SPATS1: variants seen among roughly 807,000 people sequenced by gnomAD.
SPATS1 encodes spermatogenesis-associated serine-rich protein 1.
SPATS1 carries 23 observed loss-of-function variants against 33.6 expected under a neutral mutation model. The observed-to-expected ratio is 0.68, with a 90% confidence interval of 0.49 to 0.97. The LOEUF (loss-of-function observed/expected upper bound fraction) is 0.97. Among genes scored for constraint, SPATS1 ranks in the 50% least tolerant of loss-of-function variants. The pLI is 0.00. For missense variants in SPATS1, 327 were observed against 361.0 expected (o/e 0.91, Z 0.76); for synonymous variants, 131 against 125.6 (o/e 1.04, Z -0.29).
At chr6:44,342,897 C>A in intron 1 of SPATS1, 129 bp downstream of exon 1, 4 of 1,271,692 alleles carry the variant, frequency 3.1e-6, no homozygotes, top group Admixed American at 2.3e-5. Context: ...GGGCTGGGGG[C>A]GGACTCGCTG....
At chr6:44,352,930 C>A in intron 3 of SPATS1, 57 bp downstream of exon 3, 1 of 1,575,462 alleles carries the variant, frequency 6.3e-7, no homozygotes, top group South Asian at 1.1e-5. Context: ...ACCAAGAAGC[C>A]AATAGTCTGA....
intron 7 of SPATS1, among the ~76,000 whole-genome samples, chr6:44,371,683 T>G (rs1366532804): frequency 6.6e-6 from 1 of 152,096 alleles, no homozygotes; most frequent in Non-Finnish European, 1.5e-5. Flanking sequence ...CGGTGGCTCA[T>G]GCCTGTAATC....
At chr6:44,362,095 C>T (rs935259470) in intron 5 of SPATS1, 103 bp downstream of exon 5, 2 of 1,412,110 alleles carry the variant, frequency 1.4e-6, no homozygotes, top group Non-Finnish European at 2.0e-6. Flanking sequence ...CCTGTAGAGT[C>T]ACCATGTTCC....
intron 4 of SPATS1, chr6:44,361,384 T>C (rs916167106): frequency 2.0e-6 from 2 of 985,308 alleles, no homozygotes; most frequent in African/African-American, 3.5e-5. Context: ...GCGCGTGCTA[T>C]TGTTGCAGCC....
chr6:44,379,388 A>G lies in SPATS1; in HGVS notation c.*2325A>G, dbSNP rs1029400104. Among the ~76,000 whole-genome samples, 2 of 152,120 alleles carry G rather than the reference A, an allele frequency of 1.3e-5. No individual in the cohort carries two copies. Among genetic ancestry groups the G allele is most frequent in the African/African-American group, 4.8e-5 (2 of 41,430 alleles). On this transcript the variant is annotated 3_prime_UTR_variant, in exon 9 of 9. Transcript: ENST00000674044. ...GGCGGATCACGAGGTCAGGAGATCGAGACCATCCTGGCTAACATGGAGAAA... is the reference window on the plus strand; with the variant it reads ...GGCGGATCACGAGGTCAGGAGATCGGGACCATCCTGGCTAACATGGAGAAA...
intron 1 of SPATS1, 25 bp downstream of exon 1, chr6:44,342,793 A>ACCCGGGCCT (rs1554151474): frequency 4.9e-6 from 3 of 610,296 alleles, no homozygotes; most frequent in Non-Finnish European, 8.5e-6. Context: ...CTGAGCACAG[A>ACCCGGGCCT]CCCGGGCCTC....
intron 3 of SPATS1, among the ~76,000 whole-genome samples, chr6:44,356,765 C>G (rs1352847502): frequency 6.6e-6 from 1 of 152,240 alleles, no homozygotes; most frequent in African/African-American, 2.4e-5. Flanking sequence ...GACAAAGCCA[C>G]AGTCTCTTTG....
In SPATS1 at chr6:44,379,297, A is replaced by T. The variant is rs781262334; in HGVS notation, c.*2234A>T. ...GGAGTCCTACACCATAAATATATTAAGGAAAACAACCGGCTGGGCGTGGTG... is the reference window on the plus strand; with the variant it reads ...GGAGTCCTACACCATAAATATATTATGGAAAACAACCGGCTGGGCGTGGTG... On this transcript the variant is annotated 3_prime_UTR_variant, in exon 9 of 9. Transcript: ENST00000674044. 6.6e-6 allele frequency among the ~76,000 whole-genome samples: 1 copy of T among 152,138 alleles called. No individual in the cohort carries two copies. Among genetic ancestry groups the T allele is most frequent in the Non-Finnish European group, 1.5e-5 (1 of 68,026 alleles).
intron 5 of SPATS1, among the ~76,000 whole-genome samples, chr6:44,365,939 T>C (rs1789217680): frequency 6.6e-6 from 1 of 152,156 alleles, no homozygotes; most frequent in Admixed American, 6.5e-5. Context: ...TGGTGAGATA[T>C]CCAGAAATTA....
intron 2 of SPATS1, among the ~76,000 whole-genome samples, chr6:44,349,288 C>CAAAAAAA (rs35407623): frequency 1.2e-4 from 9 of 72,622 alleles, no homozygotes; most frequent in African/African-American, 3.2e-4. Flanking sequence ...GACTCTGGCT[C>CAAAAAAA]AAAAAAAAAA....
intron 3 of SPATS1, among the ~76,000 whole-genome samples, chr6:44,353,873 T>C (rs1583081399): frequency 6.6e-6 from 1 of 150,548 alleles, no homozygotes; most frequent in South Asian, 2.1e-4. Context: ...CCAACTCTAC[T>C]AAAAATACAA....
intron 3 of SPATS1, among the ~76,000 whole-genome samples, chr6:44,357,689 A>G (rs1296995290): frequency 2.0e-5 from 3 of 152,090 alleles, no homozygotes; most frequent in African/African-American, 7.2e-5. Context: ...GCCCTTCCCT[A>G]TGCAGTTTTT....
chr6:44,347,970 T>G (rs180741264), intron 2 of SPATS1, among the ~76,000 whole-genome samples: 1 of 152,138 alleles, frequency 6.6e-6, no homozygotes, highest in Admixed American at 6.6e-5. Context: ...CTATTTTATT[T>G]ATAATTATGG....
intron 2 of SPATS1, among the ~76,000 whole-genome samples, chr6:44,348,154 G>A (rs1196110473): frequency 1.3e-5 from 2 of 151,852 alleles, no homozygotes; most frequent in African/African-American, 2.4e-5. Context: ...GATTACAGGC[G>A]TGCACCACCA....
intron 7 of SPATS1, among the ~76,000 whole-genome samples, chr6:44,373,453 G>C (rs1181926662): frequency 6.6e-6 from 1 of 152,120 alleles, no homozygotes; most frequent in African/African-American, 2.4e-5. Flanking sequence ...ATTATGGCTG[G>C]AATTATTATC....
intron 7 of SPATS1, among the ~76,000 whole-genome samples, chr6:44,373,177 A>G (rs1789730561): frequency 6.6e-6 from 1 of 152,168 alleles, no homozygotes; most frequent in African/African-American, 2.4e-5. Flanking sequence ...CCAGTCCTCC[A>G]AGACTCTCTG....
intron 1 of SPATS1, 28 bp downstream of exon 1, chr6:44,342,796 C>T (rs1295088592): frequency 7.9e-6 from 5 of 634,596 alleles, no homozygotes; most frequent in Admixed American, 2.3e-5. Context: ...AGCACAGACC[C>T]GGGCCTCCCC....
intron 7 of SPATS1, among the ~76,000 whole-genome samples, chr6:44,374,933 C>A (rs1789838589): frequency 6.6e-6 from 1 of 152,182 alleles, no homozygotes; most frequent in African/African-American, 2.4e-5. Flanking sequence ...GACTTCCCTA[C>A]CCCCAGCAGT....
At chr6:44,351,122 C>CAAAAAAAA (rs34139961) in intron 2 of SPATS1, among the ~76,000 whole-genome samples, 38 of 75,416 alleles carry the variant, frequency 5.0e-4, no homozygotes, top group South Asian at 9.6e-4. Flanking sequence ...GACTCTGTGT[C>CAAAAAAAA]AAAAAAAAAA....
Sources: allele counts gnomAD v4.1 joint callset (sites outside exome capture counted in the v4.1 genomes callset), GRCh38; gene constraint gnomAD v4.1.1; transcripts MANE v1.5; gene names NCBI Gene and HGNC (gene_info 2026-07-23, HGNC 2026-07-21).